The following LYRM4 variants were observed in gnomAD, a reference collection of about 807,000 sequenced individuals.
LYRM4 encodes LYR motif-containing protein 4.
A neutral mutation model predicts 11.7 loss-of-function variants in LYRM4; 9 were observed. The observed-to-expected ratio is 0.77, with a 90% CI of 0.46 to 1.34. The LOEUF (loss-of-function observed/expected upper bound fraction) is 1.34, where lower values mean the gene tolerates loss of function less well. Among genes scored for constraint, LYRM4 ranks in the 40% most tolerant of loss-of-function variants. The pLI is 0.00. For synonymous variants in LYRM4, 42 were observed against 40.4 expected (o/e 1.04, Z -0.15); for missense variants, 133 against 112.5 (o/e 1.18, Z -0.82).
At chr6:5,134,575 A>C (rs1764100780) in intron 2 of LYRM4, among the ~76,000 whole-genome samples, 1 of 152,262 alleles carries the variant, frequency 6.6e-6, no homozygotes, top group Non-Finnish European at 1.5e-5. Context: ...TCAGATATGT[A>C]CCAAAATAGT....
At chr6:5,092,478 G>C in the LYRM4 span, among the ~76,000 whole-genome samples, 1 of 151,954 alleles carries the variant, frequency 6.6e-6, no homozygotes, top group East Asian at 1.9e-4. Context: ...TTCGGAGGCT[G>C]AGGCAGGCGG....
chr6:5,032,724 G>A, the LYRM4 span: 134,418 of 152,168 alleles, frequency 0.88, 59,471 homozygotes, highest in East Asian at 0.99. Flanking sequence ...TTTACTTTTG[G>A]ATCTCGCTGT....
the LYRM4 span, among the ~76,000 whole-genome samples, chr6:5,078,863 T>A: frequency 2.0e-5 from 3 of 152,330 alleles, no homozygotes; most frequent in Middle Eastern, 6.8e-3. Context: ...AGCAAGCTAA[T>A]CTCTTTCAAA....
intron 2 of LYRM4, among the ~76,000 whole-genome samples, chr6:5,171,741 T>C (rs1282602972): frequency 6.6e-6 from 1 of 152,198 alleles, no homozygotes; most frequent in Non-Finnish European, 1.5e-5. Context: ...AGCAAAAGTA[T>C]ACAAAATGCA....
chr6:5,084,479 C>A, the LYRM4 span: 1 of 152,040 alleles, frequency 6.6e-6, no homozygotes, highest in African/African-American at 2.4e-5. Context: ...CCCCACGGGG[C>A]CCCCTCTCCG....
rs140719632 is a variant in LYRM4, at chr6:5,137,479, C to T, written c.208-27988G>A. Among the ~76,000 whole-genome samples, 350 of 152,276 alleles carry T rather than the reference C, an allele frequency of 2.3e-3. 8 individuals are homozygous for T. The East Asian group carries it at 0.039, about 17-fold the overall frequency. The stretch of plus-strand genomic sequence containing the variant: ...CCAAGCTCCTGGAGTTGGCCCCACT[C>T]CTCCACTTAGTGAGAAGCTTACAAA... On this transcript the variant is annotated intron_variant, in intron 2 of 2. Coordinates refer to ENST00000330636, the MANE Select transcript of LYRM4 (RefSeq NM_020408.6).
intron 2 of LYRM4, among the ~76,000 whole-genome samples, chr6:5,117,104 A>C (rs1398313481): frequency 6.6e-6 from 1 of 152,206 alleles, no homozygotes; most frequent in Non-Finnish European, 1.5e-5. Flanking sequence ...AGATATGAAG[A>C]AAATCTACCA....
At chr6:5,098,543 T>G in the LYRM4 span, among the ~76,000 whole-genome samples, 2 of 152,262 alleles carry the variant, frequency 1.3e-5, no homozygotes, top group East Asian at 3.9e-4. Context: ...GATCCGAAAT[T>G]CCACCTAGGT....
chr6:5,206,861 A>ATAACTGACCAATCCATG (rs11274880), intron 2 of LYRM4, among the ~76,000 whole-genome samples: 1 of 152,032 alleles, frequency 6.6e-6, no homozygotes, highest in African/African-American at 2.4e-5. Flanking sequence ...TTCAGTATTC[A>ATAACTGACCAATCCATG]TAACTGACCA....
At chr6:5,085,485 C>T in the LYRM4 span, 1 of 1,532,900 alleles carries the variant, frequency 6.5e-7, no homozygotes, top group Non-Finnish European at 8.7e-7. Flanking sequence ...CGAACGGCGT[C>T]ATGGAGCCCA....
the LYRM4 span, among the ~76,000 whole-genome samples, chr6:5,045,190 A>G: frequency 6.6e-6 from 1 of 152,206 alleles, no homozygotes; most frequent in South Asian, 2.1e-4. Context: ...ATTATTCACA[A>G]CAGCCAATAG....
the LYRM4 span, among the ~76,000 whole-genome samples, chr6:5,057,268 G>A: frequency 6.6e-6 from 1 of 152,126 alleles, no homozygotes; most frequent in Admixed American, 6.5e-5. Context: ...TGCTGTCATT[G>A]CTAAAGCCTG....
the LYRM4 span, among the ~76,000 whole-genome samples, chr6:5,062,081 CTTTTTTT>C: frequency 1.2e-4 from 14 of 117,260 alleles, no homozygotes. Context: ...CTTCCTTCTT[CTTTTTTT>C]TTTTTTTTTT....
In LYRM4 at chr6:5,127,815, C is replaced by A. The variant is rs1763765509; in HGVS notation, c.208-18324G>T. ...AATAGACAATGTGATCTGTATCATC[C>A]TTTTTTCATTTTTATTTATTTTTAG... On this transcript the variant is annotated intron_variant, in intron 2 of 2. Coordinates refer to ENST00000330636, the MANE Select transcript of LYRM4 (RefSeq NM_020408.6). 2.0e-5 allele frequency among the ~76,000 whole-genome samples: 3 copies of A among 152,120 alleles called. No individual in the cohort carries two copies. In the South Asian group the frequency reaches 6.2e-4, roughly 32 times the overall value.
At chr6:5,136,947 AT>A in intron 2 of LYRM4, 3 of 556,706 alleles carry the variant, frequency 5.4e-6, no homozygotes, top group Non-Finnish European at 6.8e-6. Context: ...ATTTTAGAGC[AT>A]TTTCATTACC....
intron 2 of LYRM4, among the ~76,000 whole-genome samples, chr6:5,215,205 C>T (rs1009344486): frequency 2.0e-5 from 3 of 152,162 alleles, no homozygotes; most frequent in Admixed American, 2.0e-4. Flanking sequence ...GCCTGTTTTG[C>T]CAACCTCTAC....
At chr6:5,035,933 G>C in the LYRM4 span, among the ~76,000 whole-genome samples, 1 of 149,456 alleles carries the variant, frequency 6.7e-6, no homozygotes, top group Non-Finnish European at 1.5e-5. Flanking sequence ...CTATTTAATT[G>C]ATTTGATGTT....
At chr6:5,194,164 ACAGT>A (rs1760920643) in intron 2 of LYRM4, among the ~76,000 whole-genome samples, 1 of 152,042 alleles carries the variant, frequency 6.6e-6, no homozygotes, top group South Asian at 2.1e-4. Context: ...CCACTAATTA[ACAGT>A]CAGCTTCATA....
At chr6:5,085,356 C>G in the LYRM4 span, 1 of 662,922 alleles carries the variant, frequency 1.5e-6, no homozygotes, top group Non-Finnish European at 2.5e-6. Context: ...TCTTGTCGAG[C>G]CTGGGGCGAC....
Sources: gnomAD v4.1 joint callset for allele counts (sites outside exome capture counted in the v4.1 genomes callset) on GRCh38, gnomAD v4.1.1 for gene constraint, MANE v1.5 for transcripts, NCBI Gene and HGNC (gene_info 2026-07-23, HGNC 2026-07-21) for gene names.